Variants in AFF1 observed in about 807,000 individuals in gnomAD.
The protein encoded by AFF1 is AF4/FMR2 family member 1.
AFF1 carries 48 observed loss-of-function variants against 121.7 expected under a neutral mutation model. The observed-to-expected ratio is 0.39, with a 90% confidence interval of 0.31 to 0.50. AFF1 has a LOEUF of 0.50. AFF1 is among the 20% of genes least tolerant of loss of function. The probability of loss-of-function intolerance (pLI) is 0.76; values close to 1 mark genes in which losing one functional copy is unlikely to be tolerated. For missense variants in AFF1, 1,523 were observed against 1,511.7 expected, an observed-to-expected ratio of 1.01 and a Z score of -0.12; for synonymous variants, 613 against 563.0, an observed-to-expected ratio of 1.09 and a Z score of -1.26.
rs1192021398 is a variant in AFF1 at position 87,111,030 on chromosome 4, C to T, written c.1533+2715C>T. Among the ~76,000 whole-genome samples the T allele has an allele frequency of 1.3e-4, 3 of 22,698 alleles. 1 individual carries two copies. The highest frequency in any genetic ancestry group is 1.8e-4 in the Non-Finnish European group (2 of 10,982). 14.9% of individuals were successfully genotyped at this position (22,698 alleles called of 152,430 possible). A position where few individuals can be genotyped will look rare whatever the true frequency, so the allele number is the denominator to read the frequency against. ...TTTTTTTATTTTTTTTTTTTTGAGACGGAGTCTCGCTCTGTCGCCCAGGCT... is the reference window on the plus strand; with the variant it reads ...TTTTTTTATTTTTTTTTTTTTGAGATGGAGTCTCGCTCTGTCGCCCAGGCT... On this transcript the variant is annotated intron_variant, in intron 11 of 20. Coordinates refer to ENST00000395146, the MANE Select transcript of AFF1 (RefSeq NM_001166693.3).
intron 4 of AFF1, 79 bp downstream of exon 4, chr4:87,047,673 A>G: frequency 6.3e-7 from 1 of 1,582,418 alleles, no homozygotes; most frequent in Non-Finnish European, 8.7e-7. Flanking sequence ...ATGTGGGGCA[A>G]GGTGGGGAGG....
intron 2 of AFF1, chr4:87,007,239 G>GCGCCGAGGACGCCCGGGGCTC: frequency 1.4e-6 from 2 of 1,481,246 alleles, no homozygotes; most frequent in Non-Finnish European, 1.8e-6. Context: ...GCCCGGGGCT[G>GCGCCGAGGACGCCCGGGGCTC]CGCCGAGGAC....
chr4:87,082,194 A>G (rs769792132), intron 4 of AFF1, among the ~76,000 whole-genome samples: 6 of 152,162 alleles, frequency 3.9e-5, no homozygotes, highest in Admixed American at 6.5e-5. Flanking sequence ...TGCTTGTTCT[A>G]TTGATTCACC....
chr4:87,097,736 C>A (rs186636928), intron 8 of AFF1, among the ~76,000 whole-genome samples: 1 of 151,816 alleles, frequency 6.6e-6, no homozygotes, highest in Non-Finnish European at 1.5e-5. Context: ...GGGGGGTAGA[C>A]GTGGTGGTAT....
intron 2 of AFF1, among the ~76,000 whole-genome samples, chr4:86,954,955 T>C (rs1050196986): frequency 2.6e-5 from 4 of 152,150 alleles, no homozygotes; most frequent in African/African-American, 7.2e-5. Context: ...TTTATATTAG[T>C]ATATTACTTA....
chr4:87,004,938 T>G (rs1004769417), intron 2 of AFF1, among the ~76,000 whole-genome samples: 1 of 152,240 alleles, frequency 6.6e-6, no homozygotes, highest in African/African-American at 2.4e-5. Context: ...TTAAAAAAAC[T>G]AAACCTTTGA....
intron 12 of AFF1, among the ~76,000 whole-genome samples, chr4:87,118,321 A>C (rs928233781): frequency 2.4e-4 from 37 of 152,212 alleles, no homozygotes; most frequent in African/African-American, 8.7e-4. Context: ...TTTTTTTACT[A>C]CTCTACAACA....
chr4:86,995,292 C>CGG (rs1725044444), intron 2 of AFF1, among the ~76,000 whole-genome samples: 1 of 122,406 alleles, frequency 8.2e-6, no homozygotes, highest in Non-Finnish European at 1.8e-5. Context: ...CTCCCTCCCC[C>CGG]TCTCCCTCCC....
At chr4:86,950,578 G>T (rs953397013) in intron 2 of AFF1, among the ~76,000 whole-genome samples, 1 of 152,204 alleles carries the variant, frequency 6.6e-6, no homozygotes, top group African/African-American at 2.4e-5. Flanking sequence ...TATTTATAAT[G>T]CAACAGAATA....
Position 87,090,082 on chromosome 4 carries a change from A to T in AFF1, c.1191+12A>T. On this transcript the variant is annotated intron_variant, in intron 6 of 20. Coordinates refer to ENST00000395146, the MANE Select transcript of AFF1 (RefSeq NM_001166693.3). ...CTTTCCCTACAAAGGTAATTCCTTA[A>T]AAGTATGGCAGGCATTGCATCCACC... 1 of 1,604,290 alleles carries T rather than the reference A, an allele frequency of 6.2e-7. No individual in the cohort carries two copies. The highest frequency in any genetic ancestry group is 1.1e-5 in the South Asian group (1 of 90,884).
At chr4:87,017,971 G>T (rs993356121) in intron 2 of AFF1, among the ~76,000 whole-genome samples, 2 of 151,040 alleles carry the variant, frequency 1.3e-5, no homozygotes, top group Admixed American at 1.3e-4. Context: ...GCTCTGGCTA[G>T]AAGATGTCTT....
intron 2 of AFF1, among the ~76,000 whole-genome samples, chr4:86,991,485 C>T (rs1195965309): frequency 2.6e-5 from 4 of 152,066 alleles, no homozygotes; most frequent in African/African-American, 7.2e-5. Context: ...ACATATATAG[C>T]CTTCTGCAAC....
rs1251938644 is a variant in AFF1 at position 87,137,135 on chromosome 4, G to C, written c.*1434G>C. 4.4e-6 allele frequency: 1 copy of C among 226,802 alleles called. No individual in the cohort carries two copies. Among genetic ancestry groups the C allele is most frequent in the Non-Finnish European group, 8.8e-6 (1 of 113,888 alleles). 14.0% of individuals were successfully genotyped at this position (226,802 alleles called of 1,614,324 possible). A position where few individuals can be genotyped will look rare whatever the true frequency, so the allele number is the denominator to read the frequency against. On this transcript the variant is annotated 3_prime_UTR_variant, in exon 21 of 21. Coordinates refer to ENST00000395146, the MANE Select transcript of AFF1 (RefSeq NM_001166693.3). ...TATTGGAAACATTACTTTGAGTGCA[G>C]TGTTTTTAAAAGCCAATTCTTTTTT...
At chr4:86,941,651 CATAA>C (rs71657599) in intron 1 of AFF1, among the ~76,000 whole-genome samples, 4,629 of 150,750 alleles carry the variant, frequency 0.031, 222 homozygotes, top group African/African-American at 0.11. Flanking sequence ...GACTCTGTCT[CATAA>C]ATAAATAAAT....
Position 87,047,549 on chromosome 4 carries a change from C to T in AFF1, c.1014C>T (p.Ala338=), listed in dbSNP as rs1730837856. Residue 338 remains alanine, a synonymous_variant, in exon 4 of 21, where the codon GCC becomes GCT. Transcript: ENST00000395146. The stretch of plus-strand genomic sequence containing the variant: ...AAAAAACAGACTTGAAAGTGCCTGC[C>T]AAAGCCAAGCTCACCAAACTGAAGA... ...TFEKTDLKVP[A]KAKLTKLKMP... The T allele has an allele frequency of 1.2e-6, 2 of 1,614,078 alleles. No individual in the cohort carries two copies. Among genetic ancestry groups the T allele is most frequent in the Admixed American group, 1.7e-5 (1 of 60,006 alleles).
At chr4:86,937,624 T>C (rs1378152337) in intron 1 of AFF1, among the ~76,000 whole-genome samples, 1 of 152,226 alleles carries the variant, frequency 6.6e-6, no homozygotes, top group Non-Finnish European at 1.5e-5. Context: ...CTCTGTCACT[T>C]AGGCTGGAGT....
At chr4:87,109,656 C>G (rs1200164210) in intron 11 of AFF1, among the ~76,000 whole-genome samples, 1 of 152,058 alleles carries the variant, frequency 6.6e-6, no homozygotes, top group Admixed American at 6.6e-5. Context: ...TTACTGACAT[C>G]GAAAAGATAA....
At chr4:87,003,860 G>C (rs574785561) in intron 2 of AFF1, among the ~76,000 whole-genome samples, 2 of 152,174 alleles carry the variant, frequency 1.3e-5, no homozygotes, top group African/African-American at 4.8e-5. Context: ...GCGTACAAAG[G>C]TATTTTGTTG....
At chr4:86,977,044 G>T (rs1461876680) in intron 2 of AFF1, among the ~76,000 whole-genome samples, 1 of 152,182 alleles carries the variant, frequency 6.6e-6, no homozygotes, top group Non-Finnish European at 1.5e-5. Flanking sequence ...AATAATCTTT[G>T]ACCTGTTGGA....
Sources: gnomAD v4.1 joint callset for allele counts (sites outside exome capture counted in the v4.1 genomes callset) on GRCh38, gnomAD v4.1.1 for gene constraint, MANE v1.5 for transcripts, NCBI Gene and HGNC (gene_info 2026-07-23, HGNC 2026-07-21) for gene names.